The following CACNG3 variants were observed in gnomAD, a reference collection of about 807,000 sequenced individuals.
The protein encoded by CACNG3 is voltage-dependent calcium channel gamma-3 subunit.
In CACNG3, 3 loss-of-function variants were observed where a neutral mutation model predicts 28.5. The observed-to-expected ratio is 0.11, with a 90% CI of 0.05 to 0.27. The LOEUF (loss-of-function observed/expected upper bound fraction) is 0.27, where lower values mean the gene tolerates loss of function less well. CACNG3 is among the 10% of genes least tolerant of loss of function. The probability of loss-of-function intolerance (pLI) is 1.00; values close to 1 mark genes in which losing one functional copy is unlikely to be tolerated. For missense variants in CACNG3, 236 were observed against 414.4 expected (o/e 0.57, Z 3.74); for synonymous variants, 174 against 162.2 (o/e 1.07, Z -0.55).
chr16:24,316,934 C>T (rs1219609299), intron 1 of CACNG3, among the ~76,000 whole-genome samples: 2 of 152,198 alleles, frequency 1.3e-5, no homozygotes, highest in Non-Finnish European at 2.9e-5. Context: ...GTGTTAGTGT[C>T]CTCGCCAGTG....
intron 1 of CACNG3, among the ~76,000 whole-genome samples, chr16:24,315,552 T>C (rs1461415187): frequency 6.6e-6 from 1 of 151,434 alleles, no homozygotes; most frequent in South Asian, 2.1e-4. Flanking sequence ...TTTTTTCTTT[T>C]CTTCTTTCTT....
chr16:24,351,303 G>A (rs1462411428), intron 2 of CACNG3, among the ~76,000 whole-genome samples: 5 of 152,190 alleles, frequency 3.3e-5, no homozygotes, highest in Non-Finnish European at 7.4e-5. Flanking sequence ...AGGCATGGTG[G>A]CTCATGCCTG....
intron 1 of CACNG3, among the ~76,000 whole-genome samples, chr16:24,317,478 G>A (rs1339427105): frequency 6.7e-6 from 1 of 150,124 alleles, no homozygotes; most frequent in Non-Finnish European, 1.5e-5. Flanking sequence ...GAAGGCAGAG[G>A]TTGCAGAGAG....
intron 1 of CACNG3, among the ~76,000 whole-genome samples, chr16:24,333,141 G>A (rs1899654148): frequency 2.0e-5 from 3 of 152,078 alleles, no homozygotes; most frequent in Admixed American, 2.0e-4. Flanking sequence ...GATCTTGTCA[G>A]GGAAGGGAAA....
At chr16:24,283,035 A>T (rs1471228239) in intron 1 of CACNG3, among the ~76,000 whole-genome samples, 2 of 151,968 alleles carry the variant, frequency 1.3e-5, no homozygotes, top group Non-Finnish European at 2.9e-5. Context: ...TTCCCGGGTA[A>T]TTTTTTGTAT....
At chr16:24,324,262 G>C (rs555883636) in intron 1 of CACNG3, among the ~76,000 whole-genome samples, 8 of 152,166 alleles carry the variant, frequency 5.3e-5, no homozygotes, top group Non-Finnish European at 1.2e-4. Context: ...TATTTCTAGT[G>C]GATACAGAAT....
intron 1 of CACNG3, among the ~76,000 whole-genome samples, chr16:24,302,438 C>G (rs1161474974): frequency 1.3e-5 from 2 of 151,940 alleles, no homozygotes; most frequent in African/African-American, 4.8e-5. Flanking sequence ...AGGACGGGTT[C>G]CAGGTATTGA....
chr16:24,358,801 G>A (rs1265348545), intron 3 of CACNG3, among the ~76,000 whole-genome samples: 1 of 152,128 alleles, frequency 6.6e-6, no homozygotes, highest in East Asian at 1.9e-4. Context: ...TGTGGTTTTT[G>A]CAATTAGTTT....
intron 1 of CACNG3, among the ~76,000 whole-genome samples, chr16:24,319,355 C>T (rs1899426482): frequency 6.6e-6 from 1 of 152,162 alleles, no homozygotes; most frequent in Non-Finnish European, 1.5e-5. Flanking sequence ...GGATGAATAA[C>T]AAGGGTGGTG....
At chr16:24,328,962 G>T (rs1007363495) in intron 1 of CACNG3, among the ~76,000 whole-genome samples, 1 of 152,038 alleles carries the variant, frequency 6.6e-6, no homozygotes, top group Non-Finnish European at 1.5e-5. Context: ...GACAGCCCCC[G>T]CCACACCCCC....
chr16:24,276,233 GA>G (rs1353476104), intron 1 of CACNG3, among the ~76,000 whole-genome samples: 1 of 152,048 alleles, frequency 6.6e-6, no homozygotes, highest in African/African-American at 2.4e-5. Flanking sequence ...TTTTGTTCTG[GA>G]AAATATAGTT....
At chr16:24,319,506 T>C (rs148844989) in intron 1 of CACNG3, among the ~76,000 whole-genome samples, 15 of 152,306 alleles carry the variant, frequency 9.8e-5, no homozygotes, top group African/African-American at 3.1e-4. Flanking sequence ...CAGGCTGGAG[T>C]GCAGTGGTGT....
At chr16:24,353,200 C>G (rs1363653158) in intron 2 of CACNG3, among the ~76,000 whole-genome samples, 1 of 152,192 alleles carries the variant, frequency 6.6e-6, no homozygotes, top group Non-Finnish European at 1.5e-5. Context: ...GTCTTGAACT[C>G]CTGACCTCAG....
At chr16:24,323,239 A>AAGAGAGAG (rs35498529) in intron 1 of CACNG3, among the ~76,000 whole-genome samples, 3 of 143,080 alleles carry the variant, frequency 2.1e-5, no homozygotes, top group African/African-American at 7.7e-5. Context: ...AAAAAAAAAA[A>AAGAGAGAG]AGAGAGAGAG....
chr16:24,317,022 ACAC>A (rs1167584506), intron 1 of CACNG3, among the ~76,000 whole-genome samples: 3 of 152,146 alleles, frequency 2.0e-5, no homozygotes. Context: ...AGGCATCATG[ACAC>A]CAGTTTCCTA....
intron 1 of CACNG3, among the ~76,000 whole-genome samples, chr16:24,293,353 C>G (rs1369631615): frequency 1.3e-5 from 2 of 152,028 alleles, no homozygotes; most frequent in African/African-American, 2.4e-5. Context: ...GATGTTCATC[C>G]TCTGGTTCTC....
At chr16:24,285,595 G>A (rs1651428857) in intron 1 of CACNG3, among the ~76,000 whole-genome samples, 1 of 152,102 alleles carries the variant, frequency 6.6e-6, no homozygotes, top group Admixed American at 6.5e-5. Context: ...TATTTAAGAG[G>A]CTGAGGCAGG....
intron 1 of CACNG3, 54 bp from the exon 2 acceptor site, chr16:24,346,680 C>G (rs113019847): frequency 7.0e-5 from 76 of 1,078,312 alleles, no homozygotes; most frequent in Middle Eastern, 2.3e-4. Context: ...CCCAGGCTGG[C>G]CCCCAGAGCT....
intron 1 of CACNG3, among the ~76,000 whole-genome samples, chr16:24,280,821 C>CA (rs71154295): frequency 0.035 from 1,918 of 55,368 alleles, 146 homozygotes; most frequent in South Asian, 0.072. Flanking sequence ...GAGTTTGTCT[C>CA]AAAAAAAAAA....
Sources: allele counts gnomAD v4.1 joint callset (sites outside exome capture counted in the v4.1 genomes callset), GRCh38; gene constraint gnomAD v4.1.1; transcripts MANE v1.5; gene names NCBI Gene and HGNC (gene_info 2026-07-23, HGNC 2026-07-21).